Variants in HADH observed in about 807,000 individuals in gnomAD.
HADH encodes hydroxyacyl-coenzyme A dehydrogenase, mitochondrial.
HADH carries 24 observed loss-of-function variants against 32.2 expected under a neutral mutation model. That is an observed-to-expected ratio of 0.75 (90% CI 0.54 to 1.05). The LOEUF is 1.05. Ranked by LOEUF, HADH falls within the 50% of genes least tolerant of loss-of-function variation. The probability of loss-of-function intolerance (pLI) is 0.00; values close to 1 mark genes in which losing one functional copy is unlikely to be tolerated. For missense variants in HADH, 350 were observed against 397.1 expected (o/e 0.88, Z 1.01); for synonymous variants, 139 against 152.5 (o/e 0.91, Z 0.65).
rs1487966653 is a variant in HADH, at chr4:107,990,019, C to T, written c.87C>T (p.His29=). The T allele has an allele frequency of 1.4e-5, 22 of 1,612,234 alleles. No homozygotes were observed. The highest frequency in any genetic ancestry group is 1.9e-5 in the Non-Finnish European group (22 of 1,179,456). The change falls in exon 1 of 8, where the codon CAC becomes CAT. Residue 29 remains histidine (H), a synonymous_variant. Coordinates refer to ENST00000309522, the MANE Select transcript of HADH (RefSeq NM_005327.7). ...CGGCCAAGAAGATAATCGTCAAGCA[C>T]GTGACGGTCATCGGCGGCGGGCTGA... ...SASAKKIIVK[H]VTVIGGGLMG...
chr4:108,032,866 C>G, intron 6 of HADH: 1 of 396,642 alleles, frequency 2.5e-6, no homozygotes, highest in Admixed American at 3.6e-5. Context: ...CCTGTAGTCT[C>G]AGCCACTAGG....
At chr4:108,001,744 C>G (rs1735125190) in intron 1 of HADH, among the ~76,000 whole-genome samples, 1 of 152,188 alleles carries the variant, frequency 6.6e-6, no homozygotes, top group South Asian at 2.1e-4. Context: ...TGAGTCTCCT[C>G]CCAGACAGGA....
In HADH at chr4:108,022,219, GTGTGTA is replaced by G. The variant is rs1560735327; in HGVS notation, c.547-1253_547-1248del. ...TGTGTGTATGTGTGTGTGTGTGTGT[GTGTGTA>G]TAGTTGAATGAATGAGTGAATAAAC... On this transcript the variant is annotated intron_variant, in intron 4 of 7. Coordinates refer to ENST00000309522, the MANE Select transcript of HADH (RefSeq NM_005327.7). 1.1e-3 allele frequency among the ~76,000 whole-genome samples: 168 copies of G among 149,372 alleles called. 2 individuals are homozygous for G. Among genetic ancestry groups the G allele is most frequent in the African/African-American group, 3.9e-3 (158 of 40,520 alleles).
intron 6 of HADH, 90 bp downstream of exon 6, chr4:108,027,850 G>A (rs755908279): frequency 1.3e-4 from 108 of 800,268 alleles, no homozygotes; most frequent in Admixed American, 3.0e-4. Context: ...GGGTCGGGCC[G>A]TGCACAATGG....
At chr4:107,996,016 G>A (rs1734944457) in intron 1 of HADH, among the ~76,000 whole-genome samples, 1 of 152,162 alleles carries the variant, frequency 6.6e-6, no homozygotes, top group Non-Finnish European at 1.5e-5. Flanking sequence ...TTTCCAGAGA[G>A]CTTGCCCCTC....
chr4:108,003,749 G>A (rs1185693302), intron 1 of HADH, among the ~76,000 whole-genome samples: 1 of 151,934 alleles, frequency 6.6e-6, no homozygotes, highest in Non-Finnish European at 1.5e-5. Context: ...TTAGAAGGCT[G>A]TGCCTGGATC....
At chr4:107,997,372 G>C (rs1734986436) in intron 1 of HADH, among the ~76,000 whole-genome samples, 1 of 152,180 alleles carries the variant, frequency 6.6e-6, no homozygotes. Context: ...CACCAGACCA[G>C]TTGATGTAGG....
At chr4:108,009,193 G>C (rs892913133) in intron 1 of HADH, among the ~76,000 whole-genome samples, 1 of 152,182 alleles carries the variant, frequency 6.6e-6, no homozygotes, top group African/African-American at 2.4e-5. Flanking sequence ...ACTGATTTAA[G>C]GGCTGTAGAA....
chr4:108,007,748 C>G (rs1476132565), intron 1 of HADH, among the ~76,000 whole-genome samples: 1 of 152,198 alleles, frequency 6.6e-6, no homozygotes, highest in Non-Finnish European at 1.5e-5. Flanking sequence ...AACATTGGAC[C>G]TATAATCCTG....
chr4:108,021,331 A>G (rs544848125), intron 4 of HADH, among the ~76,000 whole-genome samples: 10 of 152,318 alleles, frequency 6.6e-5, no homozygotes, highest in African/African-American at 2.2e-4. Context: ...TTGGAAATGT[A>G]GTGTGTTGGT....
intron 2 of HADH, 68 bp downstream of exon 2, chr4:108,009,955 G>A: frequency 3.8e-6 from 4 of 1,062,734 alleles, no homozygotes; most frequent in Non-Finnish European, 5.7e-6. Flanking sequence ...GGGCAATGGG[G>A]GATTTCTGGC....
intron 1 of HADH, among the ~76,000 whole-genome samples, chr4:107,991,653 G>A (rs552934369): frequency 1.2e-4 from 18 of 152,282 alleles, no homozygotes; most frequent in Non-Finnish European, 2.6e-4. Context: ...TGTGGACTGG[G>A]AGGAGTAACT....
chr4:107,990,197 T>A, intron 1 of HADH, 133 bp downstream of exon 1: 1 of 907,412 alleles, frequency 1.1e-6, no homozygotes, highest in Non-Finnish European at 1.6e-6. Flanking sequence ...CTCCCGGGTG[T>A]AGTTGAAATA....
At chr4:108,032,124 CCTCTT>C (rs1267788445) in intron 6 of HADH, 5 of 262,980 alleles carry the variant, frequency 1.9e-5, no homozygotes, top group East Asian at 4.8e-5. Flanking sequence ...AACATTTTTC[CCTCTT>C]TTCTTTAGCT....
intron 1 of HADH, among the ~76,000 whole-genome samples, chr4:107,994,336 A>G (rs192499960): frequency 6.6e-6 from 1 of 152,218 alleles, no homozygotes; most frequent in Admixed American, 6.5e-5. Flanking sequence ...AGAGCCTGCT[A>G]CGTTGCAGGG....
At chr4:108,010,745 C>T (rs1253528594) in intron 2 of HADH, among the ~76,000 whole-genome samples, 2 of 152,014 alleles carry the variant, frequency 1.3e-5, no homozygotes, top group Admixed American at 6.6e-5. Flanking sequence ...ATTCATACTT[C>T]ATGTAAGTGG....
chr4:108,014,538 T>C lies in HADH; in HGVS notation c.369T>C (p.Asn123=). Residue 123 remains asparagine (N), a synonymous_variant, in exon 3 of 8, where the codon AAT becomes AAC. Coordinates refer to ENST00000309522, the MANE Select transcript of HADH (RefSeq NM_005327.7). ...TDLVVEAIVE[N]LKVKNELFKR... is the part of the protein sequence containing the mutation. ...TGGTGGTGGAAGCCATCGTGGAGAA[T>C]CTGAAGGTGAAAAACGAGCTCTTCA... 1.9e-6 allele frequency: 3 copies of C among 1,613,792 alleles called. No individual in the cohort carries two copies. The highest frequency in any genetic ancestry group is 2.5e-6 in the Non-Finnish European group (3 of 1,179,968).
At chr4:107,998,834 C>T (rs951525490) in intron 1 of HADH, among the ~76,000 whole-genome samples, 1 of 151,882 alleles carries the variant, frequency 6.6e-6, no homozygotes, top group Non-Finnish European at 1.5e-5. Context: ...CTTCATGGTT[C>T]CCGAAAGGTT....
intron 1 of HADH, among the ~76,000 whole-genome samples, chr4:108,006,103 T>C (rs1735284290): frequency 6.6e-6 from 1 of 152,192 alleles, no homozygotes; most frequent in African/African-American, 2.4e-5. Flanking sequence ...GCAAGCTTTA[T>C]GTAGGACTGA....
Sources: allele counts gnomAD v4.1 joint callset (sites outside exome capture counted in the v4.1 genomes callset), GRCh38; gene constraint gnomAD v4.1.1; transcripts MANE v1.5; gene names NCBI Gene and HGNC (gene_info 2026-07-23, HGNC 2026-07-21).